The following TEX11 variants were observed in gnomAD, a reference collection of about 807,000 sequenced individuals.
TEX11 encodes testis expressed 11.
A neutral mutation model predicts 84.4 loss-of-function variants in TEX11; 7 were observed. The observed-to-expected ratio is 0.08, with a 90% CI of 0.05 to 0.16. The LOEUF is 0.16. Among genes scored for constraint, TEX11 ranks in the 10% least tolerant of loss-of-function variants. The pLI, the probability that TEX11 is intolerant of heterozygous loss-of-function variation, is 1.00. For synonymous variants in TEX11, 264 were observed against 222.8 expected (o/e 1.18, Z -1.64); for missense variants, 551 against 660.5 (o/e 0.83, Z 1.82).
chrX:70,853,353 A>T lies in TEX11; in HGVS notation c.325-25T>A. The T allele has an allele frequency of 3.7e-6, 4 of 1,086,133 alleles. No homozygotes were observed. The South Asian group carries it at 7.9e-5, about 21-fold the overall frequency. 89.5% of individuals were successfully genotyped at this position (1,086,133 alleles called of 1,213,427 possible). A position where few individuals can be genotyped will look rare whatever the true frequency, so the allele number is the denominator to read the frequency against. The stretch of plus-strand genomic sequence containing the variant: ...TCTAGAAGAGAGAAATTAGAAAATA[A>T]TTTTTAAAAATTCATACCTCCCCCA... On this transcript the variant is annotated intron_variant, in intron 5 of 29. Transcript: ENST00000374333.
intron 17 of TEX11, among the ~76,000 whole-genome samples, chrX:70,630,051 G>A (rs925659081): frequency 1.8e-5 from 2 of 111,739 alleles, no homozygotes; most frequent in Non-Finnish European, 3.8e-5. Flanking sequence ...GGTGGCTCAC[G>A]CCTGTAATCC....
At chrX:70,772,524 G>A (rs943102295) in intron 9 of TEX11, among the ~76,000 whole-genome samples, 1 of 111,121 alleles carries the variant, frequency 9.0e-6, no homozygotes, top group African/African-American at 3.3e-5. Flanking sequence ...GCAGTGAGTC[G>A]TGATCACAAC....
At chrX:70,538,703 T>C (rs183542666) in intron 28 of TEX11, among the ~76,000 whole-genome samples, 117 of 110,936 alleles carry the variant, frequency 1.1e-3, no homozygotes, top group African/African-American at 3.7e-3. Flanking sequence ...ACGGCTGCAA[T>C]TTTTAGCTTT....
chrX:70,902,048 G>A (rs764104049), intron 2 of TEX11, among the ~76,000 whole-genome samples: 3 of 112,302 alleles, frequency 2.7e-5, no homozygotes, highest in East Asian at 5.6e-4. Flanking sequence ...CCAGGAGTTC[G>A]AAACCAACCT....
intron 13 of TEX11, among the ~76,000 whole-genome samples, chrX:70,703,282 G>A (rs1331632646): frequency 2.7e-5 from 3 of 111,472 alleles, no homozygotes; most frequent in Non-Finnish European, 5.7e-5. Flanking sequence ...CATATTTTAT[G>A]TACATAATCT....
chrX:70,703,925 C>T (rs1273338516), intron 13 of TEX11, among the ~76,000 whole-genome samples: 3 of 111,598 alleles, frequency 2.7e-5, no homozygotes, highest in Non-Finnish European at 3.8e-5. Flanking sequence ...CCAAATCTCA[C>T]GTTCGATTGT....
At chrX:70,770,914 C>T (rs2090968549) in intron 9 of TEX11, among the ~76,000 whole-genome samples, 1 of 110,851 alleles carries the variant, frequency 9.0e-6, no homozygotes, top group Admixed American at 9.7e-5. Context: ...AAAAACTATT[C>T]CTGACCAATA....
At chrX:70,840,357 C>G (rs1362047001) in intron 7 of TEX11, among the ~76,000 whole-genome samples, 1 of 111,531 alleles carries the variant, frequency 9.0e-6, no homozygotes, top group South Asian at 3.8e-4. Context: ...TTTCAACCCA[C>G]AATCTCATAT....
intron 13 of TEX11, among the ~76,000 whole-genome samples, chrX:70,699,558 T>C (rs1334063386): frequency 8.9e-6 from 1 of 111,819 alleles, no homozygotes. Context: ...TCTTTTCTTT[T>C]AAAAATATGA....
At chrX:70,801,582 C>T (rs1305748490) in intron 9 of TEX11, among the ~76,000 whole-genome samples, 2 of 110,402 alleles carry the variant, frequency 1.8e-5, no homozygotes, top group Non-Finnish European at 3.8e-5. Flanking sequence ...CTCTCTTTTT[C>T]CTTTCTTTCC....
intron 9 of TEX11, among the ~76,000 whole-genome samples, chrX:70,773,041 C>T (rs905986095): frequency 2.7e-5 from 3 of 110,220 alleles, no homozygotes; most frequent in Non-Finnish European, 5.7e-5. Context: ...AAAAAAAACA[C>T]TATAGGAATC....
intron 25 of TEX11, among the ~76,000 whole-genome samples, chrX:70,571,881 T>G (rs2088604281): frequency 8.9e-6 from 1 of 111,736 alleles, no homozygotes; most frequent in Non-Finnish European, 1.9e-5. Flanking sequence ...AAATAAGTAA[T>G]GAATGTGTAG....
At chrX:70,865,950 A>C (rs2091596980) in intron 4 of TEX11, among the ~76,000 whole-genome samples, 1 of 111,856 alleles carries the variant, frequency 8.9e-6, no homozygotes, top group African/African-American at 3.3e-5. Context: ...AAAGATCTGA[A>C]ATCAACACCC....
chrX:70,522,636 C>T, the TEX11 span, among the ~76,000 whole-genome samples: 82 of 111,052 alleles, frequency 7.4e-4, no homozygotes, highest in East Asian at 0.018. Flanking sequence ...TGGGTTCAAG[C>T]GATTCTCCTG....
downstream of TEX11, among the ~76,000 whole-genome samples, chrX:70,524,819 C>T (rs1474581841): frequency 8.9e-6 from 1 of 112,158 alleles, no homozygotes; most frequent in Non-Finnish European, 1.9e-5. Context: ...CCTGCCTCGG[C>T]CTCCCAAAGA....
chrX:70,715,602 A>G (rs1421934450), intron 13 of TEX11, among the ~76,000 whole-genome samples: 2 of 111,873 alleles, frequency 1.8e-5, no homozygotes, highest in Non-Finnish European at 3.8e-5. Context: ...AGGCTTGTGC[A>G]TTTGTCACGC....
At position 70,678,901 on chromosome X, in the gene TEX11, A is replaced by G; in HGVS notation, c.1157-12T>C. 8.4e-7 allele frequency: 1 copy of G among 1,184,469 alleles called. No individual in the cohort carries two copies. Among genetic ancestry groups the G allele is most frequent in the South Asian group, 1.9e-5 (1 of 52,914 alleles). ...TCCTGTTTGGTGAGCTGAAAAAAAA[A>G]AAAAGCTCTGAAAATAAGAATCTCG... On this transcript the variant is annotated splice_polypyrimidine_tract_variant and intron_variant, in intron 14 of 29. Transcript: ENST00000374333.
At chrX:70,529,796 C>T in intron 29 of TEX11, 39 bp downstream of exon 29, 3 of 1,168,780 alleles carry the variant, frequency 2.6e-6, no homozygotes, top group East Asian at 3.1e-5. Context: ...CTCTTGCCCC[C>T]TAGGTCATGT....
At position 70,557,469 on chromosome X, in the gene TEX11, C is replaced by CA. The variant is rs66649112; in HGVS notation, c.2141-2670dup. Among the ~76,000 whole-genome samples the CA allele has an allele frequency of 4.7e-3, 418 of 89,094 alleles. 3 individuals carry two copies. Among genetic ancestry groups the CA allele is most frequent in the African/African-American group, 0.014 (331 of 23,529 alleles). 77.4% of individuals were successfully genotyped at this position (89,094 alleles called of 115,157 possible). On this transcript the variant is annotated intron_variant, in intron 25 of 29. Transcript: ENST00000374333. ...TGAGTAACAGAGTGAGACTCTGTCT[C>CA]AAAAAAAAAAAAAGAAAAAGAAAGA...
Sources: allele counts gnomAD v4.1 joint callset (sites outside exome capture counted in the v4.1 genomes callset), GRCh38; gene constraint gnomAD v4.1.1; transcripts MANE v1.5; gene names NCBI Gene and HGNC (gene_info 2026-07-23, HGNC 2026-07-21).